Variants in RBM28 observed in about 807,000 individuals in gnomAD.
RBM28 encodes the protein RNA binding motif protein 28, also known as RNA-binding protein 28.
RBM28 carries 78 observed loss-of-function variants against 98.3 expected under a neutral mutation model. The observed-to-expected ratio is 0.79, with a 90% CI of 0.66 to 0.96. The LOEUF (loss-of-function observed/expected upper bound fraction) is 0.96. RBM28 is among the 40% of genes least tolerant of loss of function. The pLI is 0.00. For missense variants in RBM28, 838 were observed against 913.0 expected, an observed-to-expected ratio of 0.92 and a Z score of 1.06; for synonymous variants, 306 against 330.9, an observed-to-expected ratio of 0.92 and a Z score of 0.82.
chr7:128,318,941 C>T (rs914257905), intron 14 of RBM28, among the ~76,000 whole-genome samples: 1 of 152,228 alleles, frequency 6.6e-6, no homozygotes, highest in Non-Finnish European at 1.5e-5. Flanking sequence ...GTCTCTCCAA[C>T]ATACAGGGTC....
rs1795801635 is a variant in RBM28 at position 128,302,963 on chromosome 7, T to A, written c.*7834A>T. ...ATTTTCAAATTTTGGGCAGTTTTAC[T>A]ATGTTGCCCAGGCTGGTCCTGAACT... On this transcript the variant is annotated 3_prime_UTR_variant, in exon 19 of 19. Coordinates refer to ENST00000223073, the MANE Select transcript of RBM28 (RefSeq NM_018077.3). 1.3e-5 allele frequency: 2 copies of A among 152,086 alleles called. No homozygotes were observed. Among genetic ancestry groups the A allele is most frequent in the Non-Finnish European group, 2.9e-5 (2 of 68,072 alleles). 9.4% of individuals were successfully genotyped at this position (152,086 alleles called of 1,614,324 possible). A position where few individuals can be genotyped will look rare whatever the true frequency, so the allele number is the denominator to read the frequency against.
In RBM28 at chr7:128,305,160, C is replaced by CAAAAAAAAAAACAAAAAAA. The variant is rs1795840813; in HGVS notation, c.*5636_*5637insTTTTTTTGTTTTTTTTTTT. ...GGGCAACAAGAATGAAACTCTGTCT[C>CAAAAAAAAAAACAAAAAAA]AAAAAAAAAAAAAAAAAAAGAAAGT... is the stretch of plus-strand genomic sequence containing the variant. On this transcript the variant is annotated 3_prime_UTR_variant, in exon 19 of 19. Coordinates refer to ENST00000223073, the MANE Select transcript of RBM28 (RefSeq NM_018077.3). 9.5e-6 allele frequency: 1 copy of CAAAAAAAAAAACAAAAAAA among 104,996 alleles called. No homozygotes were observed. The allele number at this position is 104,996 out of a possible 1,614,324, so 6.5% of individuals were successfully genotyped here. A position where few individuals can be genotyped will look rare whatever the true frequency, so the allele number is the denominator to read the frequency against.
At chr7:128,342,629 G>A (rs112610110) in intron 1 of RBM28, among the ~76,000 whole-genome samples, 1,722 of 152,058 alleles carry the variant, frequency 0.011, 33 homozygotes, top group African/African-American at 0.039. Context: ...TGCAGTGAGC[G>A]GAGATCGTGG....
chr7:128,329,395 G>A (rs372240334), intron 10 of RBM28, among the ~76,000 whole-genome samples: 8 of 152,156 alleles, frequency 5.3e-5, no homozygotes, highest in Middle Eastern at 3.4e-3. Flanking sequence ...CACCGCTCCC[G>A]GCCAGGTCTT....
intron 8 of RBM28, 101 bp from the exon 9 acceptor site, chr7:128,333,463 C>A: frequency 1.0e-6 from 1 of 996,008 alleles, no homozygotes; most frequent in South Asian, 1.4e-5. Flanking sequence ...GGCGCAGTGG[C>A]TCATGCCACT....
chr7:128,311,032 T>A, intron 18 of RBM28, 101 bp from the exon 19 acceptor site: 1 of 1,211,640 alleles, frequency 8.3e-7, no homozygotes, highest in South Asian at 1.2e-5. Flanking sequence ...GGGACAGAGA[T>A]CATATCTACC....
chr7:128,316,154 A>G (rs1796103453), intron 16 of RBM28, among the ~76,000 whole-genome samples: 1 of 152,226 alleles, frequency 6.6e-6, no homozygotes, highest in African/African-American at 2.4e-5. Context: ...GATACAAAAA[A>G]ATAGTGTCTA....
At position 128,343,847 on chromosome 7, in the gene RBM28, G is replaced by T; in HGVS notation, c.-54C>A. On this transcript the variant is annotated 5_prime_UTR_variant, in exon 1 of 19. Transcript: ENST00000223073. ...ACGCGAGCAAACTAGGCCGGCGCAC[G>T]CGAGCCGAAACGCTGGCTTTGGTAG... is the stretch of plus-strand genomic sequence containing the variant. The T allele has an allele frequency of 7.5e-7, 1 of 1,328,032 alleles. No homozygotes were observed. Among genetic ancestry groups the T allele is most frequent in the Non-Finnish European group, 1.0e-6 (1 of 968,596 alleles). 82.3% of individuals were successfully genotyped at this position (1,328,032 alleles called of 1,614,324 possible).
At chr7:128,320,215 CAAAAAAAAAAA>C (rs1164059031) in intron 14 of RBM28, among the ~76,000 whole-genome samples, 2 of 51,148 alleles carry the variant, frequency 3.9e-5, no homozygotes, top group African/African-American at 2.3e-4. Context: ...GACTCCGTCT[CAAAAAAAAAAA>C]AAAAAAAAAG....
chr7:128,315,083 G>A, intron 16 of RBM28, 63 bp from the exon 17 acceptor site: 2 of 1,600,976 alleles, frequency 1.2e-6, no homozygotes, highest in South Asian at 1.1e-5. Context: ...CAAATACTCA[G>A]CAGAAGATGA....
At chr7:128,325,695 A>G in intron 11 of RBM28, 123 bp downstream of exon 11, 1 of 724,210 alleles carries the variant, frequency 1.4e-6, no homozygotes, top group Non-Finnish European at 2.4e-6. Flanking sequence ...AGTGCTAAAT[A>G]AGTGTTAGTT....
rs1199653955 is a variant in RBM28 at position 128,302,933 on chromosome 7, G to A, written c.*7864C>T. 1 of 152,002 alleles carries A rather than the reference G, an allele frequency of 6.6e-6. No individual in the cohort carries two copies. Among genetic ancestry groups the A allele is most frequent in the Non-Finnish European group, 1.5e-5 (1 of 68,058 alleles). The allele number at this position is 152,002 out of a possible 1,614,324, so 9.4% of individuals were successfully genotyped here. On this transcript the variant is annotated 3_prime_UTR_variant, in exon 19 of 19. Coordinates refer to ENST00000223073, the MANE Select transcript of RBM28 (RefSeq NM_018077.3). ...GACTACAGTGCACACCACCACACAAGGCTAATTTTCAAATTTTGGGCAGTT... is the reference window on the plus strand; with the variant it reads ...GACTACAGTGCACACCACCACACAAAGCTAATTTTCAAATTTTGGGCAGTT...
chr7:128,302,861 C>T lies in RBM28; in HGVS notation c.*7936G>A, dbSNP rs1041254289. ...AACCATAGCTCACTGCAGCCTCAAA[C>T]TCCTGGGCTCAAGCAATCCTCCTGC... On this transcript the variant is annotated 3_prime_UTR_variant, in exon 19 of 19. Coordinates refer to ENST00000223073, the MANE Select transcript of RBM28 (RefSeq NM_018077.3). The T allele has an allele frequency of 6.6e-6, 1 of 152,278 alleles. No homozygotes were observed. Among genetic ancestry groups the T allele is most frequent in the Non-Finnish European group, 1.5e-5 (1 of 68,140 alleles). 9.4% of individuals were successfully genotyped at this position (152,278 alleles called of 1,614,324 possible). A position where few individuals can be genotyped will look rare whatever the true frequency, so the allele number is the denominator to read the frequency against.
intron 1 of RBM28, among the ~76,000 whole-genome samples, chr7:128,342,072 T>C (rs1032986421): frequency 1.3e-5 from 2 of 152,100 alleles, no homozygotes; most frequent in East Asian, 3.9e-4. Flanking sequence ...AGTAGGAGGA[T>C]TGCTTGAGCC....
At chr7:128,333,006 G>A (rs1796515484) in intron 9 of RBM28, among the ~76,000 whole-genome samples, 1 of 152,226 alleles carries the variant, frequency 6.6e-6, no homozygotes. Context: ...AAGGCCGGAA[G>A]CAAGATGTTT....
intron 18 of RBM28, 73 bp from the exon 19 acceptor site, chr7:128,311,004 C>A: frequency 6.8e-7 from 1 of 1,477,324 alleles, no homozygotes; most frequent in Non-Finnish European, 9.4e-7. Context: ...CTCAGGCCAC[C>A]CAAGAGAGAA....
chr7:128,330,439 T>A (rs1005830392), intron 10 of RBM28, among the ~76,000 whole-genome samples: 17 of 137,904 alleles, frequency 1.2e-4, no homozygotes, highest in African/African-American at 3.8e-4. Context: ...TGGAGTGCAG[T>A]GGCATGATCT....
At chr7:128,331,194 C>G (rs1270272385) in intron 9 of RBM28, among the ~76,000 whole-genome samples, 2 of 152,090 alleles carry the variant, frequency 1.3e-5, no homozygotes, top group African/African-American at 4.8e-5. Context: ...AGCGGTGCCC[C>G]CCACTAGGGA....
intron 8 of RBM28, 58 bp from the exon 9 acceptor site, chr7:128,333,420 G>C: frequency 7.3e-7 from 1 of 1,369,912 alleles, no homozygotes; most frequent in Non-Finnish European, 1.0e-6. Context: ...ACATGACAAA[G>C]AGCTAACTTC....
Sources: allele counts gnomAD v4.1 joint callset (sites outside exome capture counted in the v4.1 genomes callset), GRCh38; gene constraint gnomAD v4.1.1; transcripts MANE v1.5; gene names NCBI Gene and HGNC (gene_info 2026-07-23, HGNC 2026-07-21).